NUBPL: variants seen among roughly 807,000 people sequenced by gnomAD.
The protein encoded by NUBPL is NUBP iron-sulfur cluster assembly factor, mitochondrial.
Under a neutral mutation model 45.7 loss-of-function variants are expected in NUBPL, and 31 were observed. The observed-to-expected ratio is 0.68, with a 90% CI of 0.51 to 0.92. NUBPL has a LOEUF of 0.92. NUBPL is among the 40% of genes least tolerant of loss of function. NUBPL has a pLI of 0.00. For synonymous variants in NUBPL, 144 were observed against 140.9 expected (o/e 1.02, Z -0.15); for missense variants, 401 against 398.7 (o/e 1.01, Z -0.05).
At chr14:31,630,638 G>T (rs991283796) in intron 4 of NUBPL, among the ~76,000 whole-genome samples, 2 of 152,084 alleles carry the variant, frequency 1.3e-5, no homozygotes, top group Non-Finnish European at 2.9e-5. Context: ...AAGTTACCTG[G>T]AATCAGTTTG....
At chr14:31,707,437 C>T (rs896996611) in intron 6 of NUBPL, among the ~76,000 whole-genome samples, 24 of 152,210 alleles carry the variant, frequency 1.6e-4, no homozygotes, top group African/African-American at 5.6e-4. Flanking sequence ...CTCTCTTTCT[C>T]TCTTTCTGAC....
intron 6 of NUBPL, among the ~76,000 whole-genome samples, chr14:31,715,602 G>A (rs535730433): frequency 1.3e-5 from 2 of 152,278 alleles, no homozygotes; most frequent in South Asian, 4.1e-4. Context: ...CTAAACATAG[G>A]AAAGGTACAA....
At chr14:31,590,961 T>A (rs2034126187) in intron 3 of NUBPL, among the ~76,000 whole-genome samples, 1 of 152,196 alleles carries the variant, frequency 6.6e-6, no homozygotes, top group Non-Finnish European at 1.5e-5. Flanking sequence ...TACTTTTCCC[T>A]CCTTACTAAA....
intron 4 of NUBPL, among the ~76,000 whole-genome samples, chr14:31,632,569 A>G (rs1360049951): frequency 5.9e-5 from 9 of 152,182 alleles, no homozygotes; most frequent in African/African-American, 1.9e-4. Flanking sequence ...AAGATACACA[A>G]AGTTTGAAAT....
chr14:31,613,085 G>T (rs978187486), intron 4 of NUBPL, among the ~76,000 whole-genome samples: 1 of 152,252 alleles, frequency 6.6e-6, no homozygotes, highest in Middle Eastern at 3.4e-3. Context: ...AATGTGGTAC[G>T]TATACACAAT....
At chr14:31,749,253 A>G (rs1034200136) in intron 6 of NUBPL, among the ~76,000 whole-genome samples, 1 of 152,028 alleles carries the variant, frequency 6.6e-6, no homozygotes, top group African/African-American at 2.4e-5. Flanking sequence ...CTGTAGTGAT[A>G]AGGTTTGATT....
At chr14:31,793,181 A>G (rs1338168176) in intron 7 of NUBPL, among the ~76,000 whole-genome samples, 1 of 151,974 alleles carries the variant, frequency 6.6e-6, no homozygotes, top group Non-Finnish European at 1.5e-5. Context: ...TCTCCTTCCC[A>G]GTAAACACCT....
intron 7 of NUBPL, among the ~76,000 whole-genome samples, chr14:31,788,683 G>A (rs145371954): frequency 3.0e-4 from 46 of 152,278 alleles, no homozygotes; most frequent in Admixed American, 2.9e-3. Context: ...CAGGTTAACT[G>A]TAGAGTGAGC....
chr14:31,843,644 G>T (rs1009925492), intron 8 of NUBPL: 3 of 152,140 alleles, frequency 2.0e-5, no homozygotes, highest in Non-Finnish European at 4.4e-5. Flanking sequence ...ACACCTTAGA[G>T]GCCTCAGACT....
intron 10 of NUBPL, among the ~76,000 whole-genome samples, chr14:31,856,972 G>T (rs886533361): frequency 6.6e-6 from 1 of 152,180 alleles, no homozygotes; most frequent in Non-Finnish European, 1.5e-5. Context: ...ACTCCACTAG[G>T]TCATGCCCCA....
intron 7 of NUBPL, among the ~76,000 whole-genome samples, chr14:31,807,813 A>G (rs2138889228): frequency 6.6e-6 from 1 of 152,296 alleles, no homozygotes; most frequent in Non-Finnish European, 1.5e-5. Flanking sequence ...GGTGTAAGGA[A>G]GGGATCCAGT....
At chr14:31,649,331 A>G (rs8006769) in intron 4 of NUBPL, among the ~76,000 whole-genome samples, 1,826 of 152,322 alleles carry the variant, frequency 0.012, 29 homozygotes, top group African/African-American at 0.034. Flanking sequence ...AAGGTTTGAG[A>G]AAATCAGATT....
intron 6 of NUBPL, among the ~76,000 whole-genome samples, chr14:31,733,573 T>A (rs776504715): frequency 2.4e-4 from 36 of 152,180 alleles, no homozygotes; most frequent in Non-Finnish European, 3.4e-4. Context: ...TTCTATTTTT[T>A]AATTTTATTT....
chr14:31,713,066 A>G (rs866535271), intron 6 of NUBPL, among the ~76,000 whole-genome samples: 1 of 152,150 alleles, frequency 6.6e-6, no homozygotes, highest in African/African-American at 2.4e-5. Flanking sequence ...GTTCTTTGAT[A>G]CTTTTTGAGA....
intron 6 of NUBPL, among the ~76,000 whole-genome samples, chr14:31,763,661 G>T: frequency 6.6e-6 from 1 of 152,240 alleles, no homozygotes; most frequent in Middle Eastern, 3.4e-3. Flanking sequence ...CTGAGAGTAT[G>T]TCTTGTTTTC....
intron 7 of NUBPL, among the ~76,000 whole-genome samples, chr14:31,797,792 G>A (rs1416607152): frequency 2.1e-5 from 3 of 142,020 alleles, no homozygotes; most frequent in East Asian, 4.1e-4. Flanking sequence ...GTTAGCTGGT[G>A]ATTTTGCTCA....
chr14:31,632,968 G>A (rs1357854021), intron 4 of NUBPL, among the ~76,000 whole-genome samples: 1 of 152,180 alleles, frequency 6.6e-6, no homozygotes, highest in Admixed American at 6.5e-5. Context: ...TAATAGACAT[G>A]GATGGGTAAT....
intron 6 of NUBPL, among the ~76,000 whole-genome samples, chr14:31,709,402 G>T (rs1280790185): frequency 6.6e-6 from 1 of 152,194 alleles, no homozygotes; most frequent in Non-Finnish European, 1.5e-5. Context: ...TGCAACTGCA[G>T]TCCCCATGAT....
At chr14:31,666,256 TATATA>T (rs1566487139) in intron 4 of NUBPL, among the ~76,000 whole-genome samples, 1,770 of 50,300 alleles carry the variant, frequency 0.035, 132 homozygotes, top group African/African-American at 0.17. Context: ...TATATATATA[TATATA>T]TAATTTTATT....
Sources: gnomAD v4.1 joint callset for allele counts (sites outside exome capture counted in the v4.1 genomes callset) on GRCh38, gnomAD v4.1.1 for gene constraint, MANE v1.5 for transcripts, NCBI Gene and HGNC (gene_info 2026-07-23, HGNC 2026-07-21) for gene names.